CCDC77: variants seen among roughly 807,000 people sequenced by gnomAD.
CCDC77 encodes the protein coiled-coil domain-containing protein 77.
CCDC77 carries 56 observed loss-of-function variants against 66.8 expected under a neutral mutation model. The observed-to-expected ratio is 0.84, with a 90% CI of 0.68 to 1.05. The LOEUF (loss-of-function observed/expected upper bound fraction) is 1.05. Ranked by LOEUF, CCDC77 falls within the 50% of genes least tolerant of loss-of-function variation. CCDC77 has a pLI of 0.00. For missense variants in CCDC77, 570 were observed against 576.8 expected (o/e 0.99, Z 0.12); for synonymous variants, 196 against 195.2 (o/e 1.00, Z -0.03).
At chr12:440,008 A>G (rs1020558480) in intron 10 of CCDC77, among the ~76,000 whole-genome samples, 8 of 152,144 alleles carry the variant, frequency 5.3e-5, no homozygotes, top group African/African-American at 1.9e-4. Context: ...GCAAGTTTAT[A>G]GGCCCTGGAG....
intron 10 of CCDC77, 142 bp from the exon 11 acceptor site, chr12:440,475 A>C: frequency 1.1e-6 from 1 of 877,454 alleles, no homozygotes; most frequent in East Asian, 2.6e-5. Flanking sequence ...GATGTTCCTC[A>C]AAGTTCCTTG....
chr12:412,558 G>A (rs1945133459), intron 4 of CCDC77, among the ~76,000 whole-genome samples: 1 of 152,120 alleles, frequency 6.6e-6, no homozygotes. Context: ...AGGATCCCTG[G>A]CCTCTACCCG....
intron 1 of CCDC77, among the ~76,000 whole-genome samples, chr12:403,867 T>C (rs1390310592): frequency 6.6e-6 from 1 of 152,210 alleles, no homozygotes; most frequent in East Asian, 1.9e-4. Flanking sequence ...CACTGCTCGC[T>C]GCAGCCTTGA....
intron 1 of CCDC77, among the ~76,000 whole-genome samples, chr12:404,976 C>T (rs1944965646): frequency 6.6e-6 from 1 of 152,158 alleles, no homozygotes; most frequent in Non-Finnish European, 1.5e-5. Flanking sequence ...CCTTCCTCGG[C>T]CTCCCAAAGT....
intron 5 of CCDC77, among the ~76,000 whole-genome samples, chr12:427,536 G>A (rs1220930606): frequency 1.3e-5 from 2 of 148,230 alleles, no homozygotes; most frequent in African/African-American, 2.5e-5. Context: ...GTGCGGTGGT[G>A]CAATCTTGGC....
chr12:436,496 T>C (rs1344530607), intron 9 of CCDC77, among the ~76,000 whole-genome samples: 2 of 152,104 alleles, frequency 1.3e-5, no homozygotes, highest in Non-Finnish European at 2.9e-5. Flanking sequence ...AGTGTTGGGA[T>C]TACAGGCGGG....
At chr12:416,322 TGTGAGTCTGTGGGTGTGTGGGG>T (rs1256671274) in intron 4 of CCDC77, among the ~76,000 whole-genome samples, 1 of 102,572 alleles carries the variant, frequency 9.7e-6, no homozygotes, top group African/African-American at 3.6e-5. Context: ...TGTGTGTGTG[TGTGAGTCTGTGGGTGTGTGGGG>T]GTGTGTGTGT....
At chr12:428,675 TA>T (rs35713455) in intron 5 of CCDC77, 93 bp from the exon 6 acceptor site, 518 of 665,304 alleles carry the variant, frequency 7.8e-4, no homozygotes, top group African/African-American at 9.3e-4. Context: ...ACAATTGTTT[TA>T]AAAAAAAAAT....
At position 415,329 on chromosome 12, in the gene CCDC77, TAATATTATGTTAATATAATC is replaced by T. The variant is rs1565567911; in HGVS notation, c.271-3162_271-3143del. On this transcript the variant is annotated intron_variant, in intron 4 of 12. Transcript: ENST00000239830. ...TAATATTATGTTAATATAATCAACA[TAATATTATGTTAATATAATC>T]AACATAATATTATGTTAATATAATC... Among the ~76,000 whole-genome samples, 16 of 90,496 alleles carry T rather than the reference TAATATTATGTTAATATAATC, an allele frequency of 1.8e-4. 1 individual carries two copies. The highest frequency in any genetic ancestry group is 3.0e-4 in the Admixed American group (2 of 6,714). 59.4% of individuals were successfully genotyped at this position (90,496 alleles called of 152,430 possible).
At chr12:393,590 G>T (rs1944788775) in intron 1 of CCDC77, among the ~76,000 whole-genome samples, 1 of 151,262 alleles carries the variant, frequency 6.6e-6, no homozygotes, top group Admixed American at 6.6e-5. Context: ...GGAGTGCAAT[G>T]GTGCGATCTC....
At chr12:427,129 C>T (rs536388499) in intron 5 of CCDC77, among the ~76,000 whole-genome samples, 7 of 152,158 alleles carry the variant, frequency 4.6e-5, no homozygotes, top group African/African-American at 1.2e-4. Context: ...CCTGTAGTCC[C>T]AGCTACTCGG....
chr12:438,755 T>A (rs1054166495), intron 10 of CCDC77: 49 of 507,316 alleles, frequency 9.7e-5, no homozygotes, highest in Non-Finnish European at 1.7e-4. Flanking sequence ...ATTCATTCAT[T>A]CATTCATTCA....
chr12:426,009 G>A (rs1945521601), intron 5 of CCDC77, among the ~76,000 whole-genome samples: 3 of 152,094 alleles, frequency 2.0e-5, no homozygotes, highest in Admixed American at 1.3e-4. Flanking sequence ...GGACTACAGC[G>A]CACGCTATCA....
chr12:438,369 A>T lies in CCDC77; in HGVS notation c.856A>T (p.Thr286Ser). 6.2e-7 allele frequency: 1 copy of T among 1,614,116 alleles called. No individual in the cohort carries two copies. Residue 286 changes from threonine (T) to serine (S), a missense_variant, in exon 10 of 13, where the codon ACC (threonine) becomes TCC (serine). By Grantham distance (58) the Thr-to-Ser change is moderately conservative. Coordinates refer to ENST00000239830, the MANE Select transcript of CCDC77 (RefSeq NM_032358.4). Reference sequence around the variant, plus strand: ...CACCCAAGAACTGCTCTATGAGAGCACCAAAGATTTTCTGCAACTCAGATC... The same window carrying T: ...CACCCAAGAACTGCTCTATGAGAGCTCCAAAGATTTTCTGCAACTCAGATC... ...HHTQELLYES[T>S]KDFLQLRSEN...
chr12:409,831 TAA>T (rs57102155), intron 3 of CCDC77: 21 of 136,716 alleles, frequency 1.5e-4, no homozygotes, highest in African/African-American at 2.8e-4. Flanking sequence ...CCGTCTCTAC[TAA>T]AAAAAAAAAA....
rs1406451953 is a variant in CCDC77, at chr12:440,600, G to A, written c.1042-17G>A. ...GTAGAACTGAGTGTTAATGTTTTTT[G>A]TCCCTTTGACTTGTAGTCCCTAAAA... is the stretch of plus-strand genomic sequence containing the variant. On this transcript the variant is annotated splice_polypyrimidine_tract_variant and intron_variant, in intron 10 of 12. Transcript: ENST00000239830. The A allele has an allele frequency of 6.2e-7, 1 of 1,608,992 alleles. No homozygotes were observed. The highest frequency in any genetic ancestry group is 1.7e-5 in the Admixed American group (1 of 58,748).
intron 12 of CCDC77, among the ~76,000 whole-genome samples, chr12:441,536 T>C (rs1412697804): frequency 6.6e-6 from 1 of 152,186 alleles, no homozygotes; most frequent in Non-Finnish European, 1.5e-5. Flanking sequence ...TCCTCTTTCA[T>C]GGTGCATTGA....
chr12:417,373 A>G (rs555850394), intron 4 of CCDC77, among the ~76,000 whole-genome samples: 89 of 152,158 alleles, frequency 5.8e-4, no homozygotes, highest in African/African-American at 2.1e-3. Context: ...TCTTCTGTTC[A>G]TCTGTCAAGT....
At chr12:435,785 C>T (rs1565577266) in intron 9 of CCDC77, among the ~76,000 whole-genome samples, 1 of 152,244 alleles carries the variant, frequency 6.6e-6, no homozygotes, top group Non-Finnish European at 1.5e-5. Flanking sequence ...GTTGCCCAGG[C>T]TGGAGTGCAG....
Sources: allele counts gnomAD v4.1 joint callset (sites outside exome capture counted in the v4.1 genomes callset), GRCh38; gene constraint gnomAD v4.1.1; transcripts MANE v1.5; gene names NCBI Gene and HGNC (gene_info 2026-07-23, HGNC 2026-07-21).